Variants in ITPR2 observed in about 807,000 individuals in gnomAD.
The protein encoded by ITPR2 is inositol 1,4,5-trisphosphate receptor type 2.
ITPR2 carries 207 observed loss-of-function variants against 317.1 expected under a neutral mutation model. The observed-to-expected ratio is 0.65, with a 90% CI of 0.58 to 0.73. The LOEUF is 0.73. Ranked by LOEUF, ITPR2 falls within the 30% of genes least tolerant of loss-of-function variation. The pLI is 0.00. For synonymous variants in ITPR2, 1,156 were observed against 1,149.1 expected, an observed-to-expected ratio of 1.01 and a Z score of -0.12; for missense variants, 2,613 against 3,284.0, an observed-to-expected ratio of 0.80 and a Z score of 4.99.
At chr12:26,447,353 C>A (rs1445251747) in intron 45 of ITPR2, among the ~76,000 whole-genome samples, 1 of 151,638 alleles carries the variant, frequency 6.6e-6, no homozygotes, top group East Asian at 1.9e-4. Flanking sequence ...AATATTTTTT[C>A]TTGTTTGATA....
chr12:26,493,382 T>C (rs955858078), intron 39 of ITPR2, among the ~76,000 whole-genome samples: 1 of 152,196 alleles, frequency 6.6e-6, no homozygotes, highest in Non-Finnish European at 1.5e-5. Context: ...TTTCTAATTA[T>C]ATACTTAGTA....
At position 26,622,114 on chromosome 12, in the gene ITPR2, A is replaced by C. The variant is rs183062992; in HGVS notation, c.3288+126T>G. On this transcript the variant is annotated intron_variant, in intron 25 of 56. Coordinates refer to ENST00000381340, the MANE Select transcript of ITPR2 (RefSeq NM_002223.4). ...TAGACAAGGCCATGTCTCTGTTTAA[A>C]AATAGAAAGTGTCTCCAGGAAAAGC... is the stretch of plus-strand genomic sequence containing the variant. 9.4e-5 allele frequency: 70 copies of C among 744,586 alleles called. No individual in the cohort carries two copies. In the East Asian group the frequency reaches 1.7e-3, roughly 18 times the overall value. The allele number at this position is 744,586 out of a possible 1,614,324, so 46.1% of individuals were successfully genotyped here.
intron 54 of ITPR2, among the ~76,000 whole-genome samples, chr12:26,395,424 G>A (rs1204064800): frequency 6.6e-6 from 1 of 152,156 alleles, no homozygotes; most frequent in Non-Finnish European, 1.5e-5. Context: ...AAGCTTAGAG[G>A]AGCAGGAATC....
At chr12:26,784,104 A>C (rs1258615001) in intron 2 of ITPR2, among the ~76,000 whole-genome samples, 2 of 151,892 alleles carry the variant, frequency 1.3e-5, no homozygotes, top group Non-Finnish European at 2.9e-5. Context: ...GTAATGTACA[A>C]ATGGTAAATT....
In ITPR2 at chr12:26,443,511, T is replaced by C. The variant is rs201560307; in HGVS notation, c.6450+32A>G. ...AGGAAGTAAGCATAACTTTTCACAG[T>C]TGGTCTCTTTCAATAAATAATAGAT... On this transcript the variant is annotated intron_variant, in intron 46 of 56. Coordinates refer to ENST00000381340, the MANE Select transcript of ITPR2 (RefSeq NM_002223.4). 4.6e-6 allele frequency: 7 copies of C among 1,506,384 alleles called. No individual in the cohort carries two copies. The East Asian group carries it at 1.6e-4, about 34-fold the overall frequency. 93.3% of individuals were successfully genotyped at this position (1,506,384 alleles called of 1,614,324 possible).
chr12:26,506,013 T>G (rs939653355), intron 37 of ITPR2, among the ~76,000 whole-genome samples: 1 of 151,774 alleles, frequency 6.6e-6, no homozygotes, highest in African/African-American at 2.4e-5. Flanking sequence ...ACTAAAAATA[T>G]TCAAATATTT....
At position 26,722,449 on chromosome 12, in the gene ITPR2, C is replaced by A; in HGVS notation, c.473G>T (p.Gly158Val). ...RVSLDAAGNE[G>V]SWFYIHPFWK... ...GAACGGATGAATATAAAACCAAGACCCTTCATTTCCTGCAGCATCCAAGGA... is the reference window on the plus strand; with the variant it reads ...GAACGGATGAATATAAAACCAAGACACTTCATTTCCTGCAGCATCCAAGGA... Residue 158 changes from glycine to valine, a missense_variant, in exon 5 of 57, where the codon GGG (glycine) becomes GTG (valine). By Grantham distance (109) the Gly-to-Val change is moderately radical. Around this residue, in one of 9 missense-constraint regions of ITPR2, gnomAD observed 515 missense variants for 789.4 expected, o/e 0.65. Coordinates refer to ENST00000381340, the MANE Select transcript of ITPR2 (RefSeq NM_002223.4). 1 of 1,613,180 alleles carries A rather than the reference C, an allele frequency of 6.2e-7. No individual in the cohort carries two copies. The highest frequency in any genetic ancestry group is 8.5e-7 in the Non-Finnish European group (1 of 1,179,460).
At chr12:26,472,867 GT>G (rs200610620) in intron 45 of ITPR2, among the ~76,000 whole-genome samples, 3 of 150,110 alleles carry the variant, frequency 2.0e-5, no homozygotes, top group Non-Finnish European at 4.4e-5. Flanking sequence ...TCTGTACTCT[GT>G]TTTTTTTTGT....
At chr12:26,438,385 A>T (rs1592023932) in intron 47 of ITPR2, among the ~76,000 whole-genome samples, 1 of 152,282 alleles carries the variant, frequency 6.6e-6, no homozygotes, top group African/African-American at 2.4e-5. Flanking sequence ...AAGTATTGAG[A>T]ACATATCCTG....
At chr12:26,703,990 C>T (rs1247525827) in intron 9 of ITPR2, among the ~76,000 whole-genome samples, 1 of 152,188 alleles carries the variant, frequency 6.6e-6, no homozygotes, top group Non-Finnish European at 1.5e-5. Context: ...CATTTCCTCC[C>T]TAAGTGGGGG....
intron 45 of ITPR2, among the ~76,000 whole-genome samples, chr12:26,462,748 G>A (rs190195728): frequency 6.1e-5 from 9 of 148,146 alleles, no homozygotes; most frequent in South Asian, 2.1e-4. Flanking sequence ...CCCAGCTCAC[G>A]GCAACCTCCG....
chr12:26,372,591 C>T (rs141221016), intron 55 of ITPR2, among the ~76,000 whole-genome samples: 158 of 152,292 alleles, frequency 1.0e-3, no homozygotes, highest in East Asian at 6.6e-3. Context: ...CTTCCATTAA[C>T]GCTCTTTCTA....
intron 2 of ITPR2, among the ~76,000 whole-genome samples, chr12:26,751,424 C>A (rs1310721622): frequency 6.6e-6 from 1 of 152,106 alleles, no homozygotes; most frequent in Non-Finnish European, 1.5e-5. Flanking sequence ...GGACTAATCT[C>A]AAACTACTAG....
Position 26,572,996 on chromosome 12 carries a change from C to CATTTATTT in ITPR2, c.4630+5709_4630+5716dup, listed in dbSNP as rs369855705. Among the ~76,000 whole-genome samples, 239 of 149,592 alleles carry CATTTATTT rather than the reference C, an allele frequency of 1.6e-3. 1 individual carries two copies. The highest frequency in any genetic ancestry group is 3.4e-3 in the Middle Eastern group (1 of 292). ...TCGTACTCAAAAGAAACTTGGATTT[C>CATTTATTT]ATTTATTTATTTATTTATTTATTTA... is the stretch of plus-strand genomic sequence containing the variant. On this transcript the variant is annotated intron_variant, in intron 34 of 56. Transcript: ENST00000381340.
Position 26,387,418 on chromosome 12 carries a change from C to G in ITPR2, c.7857+16G>C. ...GATACAATATAGTCACAAATTAAAA[C>G]CTTCTGGTCACTCACCACAATCATT... is the stretch of plus-strand genomic sequence containing the variant. On this transcript the variant is annotated intron_variant, in intron 55 of 56. Transcript: ENST00000381340. 6.2e-7 allele frequency: 1 copy of G among 1,611,000 alleles called. No homozygotes were observed. The highest frequency in any genetic ancestry group is 8.5e-7 in the Non-Finnish European group (1 of 1,178,276).
intron 56 of ITPR2, 136 bp downstream of exon 56, chr12:26,340,031 A>T: frequency 3.9e-6 from 3 of 766,138 alleles, no homozygotes; most frequent in Non-Finnish European, 5.9e-6. Context: ...GTTCTACAGT[A>T]CAACGTGAGG....
At chr12:26,568,652 T>C (rs548635702) in intron 34 of ITPR2, among the ~76,000 whole-genome samples, 1 of 152,234 alleles carries the variant, frequency 6.6e-6, no homozygotes, top group Admixed American at 6.5e-5. Context: ...AGAAAAATGC[T>C]TAGCTAGATA....
intron 47 of ITPR2, among the ~76,000 whole-genome samples, chr12:26,438,836 A>G (rs2136727057): frequency 6.6e-6 from 1 of 152,334 alleles, no homozygotes; most frequent in South Asian, 2.1e-4. Context: ...GTGGCTGTTC[A>G]ACATTTGAAA....
intron 49 of ITPR2, among the ~76,000 whole-genome samples, chr12:26,422,315 T>A (rs992110594): frequency 4.7e-5 from 7 of 148,556 alleles, no homozygotes; most frequent in Non-Finnish European, 1.0e-4. Context: ...AATAATACTT[T>A]ATTGAATAAT....
Sources: gnomAD v4.1 joint callset for allele counts (sites outside exome capture counted in the v4.1 genomes callset) on GRCh38, gnomAD v4.1.1 for gene constraint, gnomAD v4.1.1 regional missense constraint, MANE v1.5 for transcripts, NCBI Gene and HGNC (gene_info 2026-07-23, HGNC 2026-07-21) for gene names.